Variants in KDM4B observed in about 807,000 individuals in gnomAD.
KDM4B encodes lysine demethylase 4B, also known as lysine-specific demethylase 4B.
A neutral mutation model predicts 125.2 loss-of-function variants in KDM4B; 32 were observed. That is an observed-to-expected ratio of 0.26 (90% CI 0.19 to 0.34). The LOEUF (loss-of-function observed/expected upper bound fraction) is 0.34. Among genes scored for constraint, KDM4B ranks in the 10% least tolerant of loss-of-function variants. The pLI is 1.00. For synonymous variants in KDM4B, 721 were observed against 677.9 expected (o/e 1.06, Z -0.99); for missense variants, 1,190 against 1,577.7 (o/e 0.75, Z 4.16).
At chr19:5,149,457 A>G (rs1318209276) in intron 21 of KDM4B, among the ~76,000 whole-genome samples, 1 of 152,180 alleles carries the variant, frequency 6.6e-6, no homozygotes, top group Non-Finnish European at 1.5e-5. Flanking sequence ...GGCACATGCC[A>G]CCATGCCTGG....
At chr19:5,041,301 G>A (rs766816006) in intron 5 of KDM4B, 50 bp downstream of exon 5, 51 of 1,431,726 alleles carry the variant, frequency 3.6e-5, no homozygotes, top group Admixed American at 6.8e-5. Flanking sequence ...CTGGTGGGTG[G>A]TGGTGGGAGG....
At chr19:5,057,254 G>A (rs1209293903) in intron 6 of KDM4B, among the ~76,000 whole-genome samples, 1 of 152,068 alleles carries the variant, frequency 6.6e-6, no homozygotes, top group South Asian at 2.1e-4. Context: ...CCTGTGGCCC[G>A]GGCAGTGAGG....
chr19:5,055,589 C>T (rs1037806229), intron 6 of KDM4B, among the ~76,000 whole-genome samples: 2 of 151,390 alleles, frequency 1.3e-5, no homozygotes, highest in African/African-American at 2.4e-5. Flanking sequence ...CCGCAGCAGG[C>T]GAGTGTCAGG....
chr19:5,110,295 A>AC (rs914684921), intron 9 of KDM4B, among the ~76,000 whole-genome samples: 4 of 152,038 alleles, frequency 2.6e-5, no homozygotes, highest in African/African-American at 9.7e-5. Context: ...ACATAGCGAG[A>AC]CCCCATCTCT....
rs139809472 is a variant in KDM4B at position 5,138,673 on chromosome 19, TG to T, written c.2550+604del. 2.2e-4 allele frequency among the ~76,000 whole-genome samples: 33 copies of T among 152,034 alleles called. No individual in the cohort carries two copies. The East Asian group carries it at 5.0e-3, about 23-fold the overall frequency. On this transcript the variant is annotated intron_variant, in intron 18 of 22. Transcript: ENST00000159111. ...ACTGTCTCAAAAAAAAACAAACAAT[TG>T]TAACAATGCTTAGCGTGAGATCTGC...
chr19:5,036,198 C>T (rs539928141), intron 3 of KDM4B, among the ~76,000 whole-genome samples: 4 of 151,686 alleles, frequency 2.6e-5, no homozygotes, highest in Admixed American at 6.5e-5. Flanking sequence ...CCTGCCTTGA[C>T]CACTGTGTGT....
At position 5,115,812 on chromosome 19, in the gene KDM4B, T is replaced by C. The variant is rs1208256095; in HGVS notation, c.1116-3841T>C. The stretch of plus-strand genomic sequence containing the variant: ...AGAGAAGAGACAAGCCCACAGTGGA[T>C]TGGGAGGCCCTTGAAGAATCCCCTC... On this transcript the variant is annotated intron_variant, in intron 10 of 22. Coordinates refer to ENST00000159111, the MANE Select transcript of KDM4B (RefSeq NM_015015.3). The surrounding 1 kb of genome is among the most constrained non-coding windows in gnomAD (Gnocchi z 4.2). Among the ~76,000 whole-genome samples the C allele has an allele frequency of 3.3e-5, 5 of 152,048 alleles. No homozygotes were observed. The highest frequency in any genetic ancestry group is 7.4e-5 in the Non-Finnish European group (5 of 68,008).
Position 5,133,974 on chromosome 19 carries a change from C to G in KDM4B, c.1998C>G (p.Ser666Arg). The change falls in exon 14 of 23, where the codon AGC becomes AGG. Residue 666 changes from serine (S) to arginine (R), a missense_variant. Physicochemically the swap from Ser to Arg is moderately radical, Grantham distance 110. Around this residue, in one of 7 missense-constraint regions of KDM4B, gnomAD observed 128 missense variants for 137.8 expected, o/e 0.93. Coordinates refer to ENST00000159111, the MANE Select transcript of KDM4B (RefSeq NM_015015.3). The stretch of plus-strand genomic sequence containing the variant: ...TGCAGTGGAAGAACAGGGCGGCCAG[C>G]TTCCAGGCCGAGAGGAAGTTCAACG... ...LSLQWKNRAA[S>R]FQAERKFNAA... 6.2e-7 allele frequency: 1 copy of G among 1,612,748 alleles called. No individual in the cohort carries two copies.
At chr19:5,070,388 G>A (rs1369763634) in intron 6 of KDM4B, among the ~76,000 whole-genome samples, 1 of 152,200 alleles carries the variant, frequency 6.6e-6, no homozygotes, top group Non-Finnish European at 1.5e-5. Context: ...ACTTCGCTTC[G>A]TGTGTTTGCA....
chr19:5,130,666 C>G (rs1328583679), intron 11 of KDM4B, among the ~76,000 whole-genome samples: 1 of 152,264 alleles, frequency 6.6e-6, no homozygotes, highest in Non-Finnish European at 1.5e-5. Flanking sequence ...AAGTGCTTCT[C>G]CCCCACCTCC....
At chr19:5,100,027 T>C (rs2038900533) in intron 9 of KDM4B, among the ~76,000 whole-genome samples, 1 of 152,272 alleles carries the variant, frequency 6.6e-6, no homozygotes, top group African/African-American at 2.4e-5. Flanking sequence ...CTTCGAAGGC[T>C]GCACCCATCC....
intron 9 of KDM4B, among the ~76,000 whole-genome samples, chr19:5,098,527 C>T (rs553111135): frequency 6.6e-6 from 1 of 152,226 alleles, no homozygotes; most frequent in Non-Finnish European, 1.5e-5. Context: ...CTTGTGTTAC[C>T]TCATTTAAAA....
intron 6 of KDM4B, among the ~76,000 whole-genome samples, chr19:5,059,465 C>A (rs901134715): frequency 6.6e-6 from 1 of 152,224 alleles, no homozygotes; most frequent in African/African-American, 2.4e-5. Context: ...CGTGTGTGAG[C>A]CAAACCCTCC....
intron 6 of KDM4B, among the ~76,000 whole-genome samples, chr19:5,070,332 C>T (rs1444822061): frequency 6.6e-6 from 1 of 152,228 alleles, no homozygotes; most frequent in African/African-American, 2.4e-5. Flanking sequence ...GTCCCAACAT[C>T]GCAGGTCTCC....
chr19:4,977,117 C>G (rs557690606), intron 1 of KDM4B, among the ~76,000 whole-genome samples: 2 of 151,516 alleles, frequency 1.3e-5, no homozygotes, highest in African/African-American at 4.8e-5. Context: ...TCTTTTCTTT[C>G]TTTATCCACC....
intron 9 of KDM4B, among the ~76,000 whole-genome samples, chr19:5,105,681 C>T (rs750413491): frequency 2.8e-4 from 43 of 152,236 alleles, no homozygotes; most frequent in Non-Finnish European, 5.4e-4. Context: ...AAGCGATCCT[C>T]CTGCCTCAGC....
At position 5,018,555 on chromosome 19, in the gene KDM4B, A is replaced by G. The variant is rs74343112; in HGVS notation, c.-26+2216A>G. Reference sequence around the variant, plus strand: ...CCAGATAGGCTGCCTTCACTTTGTAAAAGTTAACTTTTACTGAGAGGAAAT... The same window carrying G: ...CCAGATAGGCTGCCTTCACTTTGTAGAAGTTAACTTTTACTGAGAGGAAAT... On this transcript the variant is annotated intron_variant, in intron 2 of 22. Coordinates refer to ENST00000159111, the MANE Select transcript of KDM4B (RefSeq NM_015015.3). Among the ~76,000 whole-genome samples the G allele has an allele frequency of 1.4e-4, 22 of 152,156 alleles. 1 individual carries two copies. Among genetic ancestry groups the G allele is most frequent in the Admixed American group, 1.4e-3 (22 of 15,264 alleles).
chr19:4,971,648 G>GTAGTGGGGGAAAGGGTGAGC lies in KDM4B; in HGVS notation c.-109+2420_-109+2439dup, dbSNP rs2034262456. On this transcript the variant is annotated intron_variant, in intron 1 of 22. Transcript: ENST00000159111. This position sits in a 1 kb window ranked among gnomAD's most constrained non-coding sequence, Gnocchi z 4.1. The stretch of plus-strand genomic sequence containing the variant: ...TCCCTGGCTCCTGTGGGTTTAGAGT[G>GTAGTGGGGGAAAGGGTGAGC]TAGTGGGGGAAAGGGTGAGCTGGCT... Among the ~76,000 whole-genome samples, 1 of 152,186 alleles carries GTAGTGGGGGAAAGGGTGAGC rather than the reference G, an allele frequency of 6.6e-6. No individual in the cohort carries two copies. Among genetic ancestry groups the GTAGTGGGGGAAAGGGTGAGC allele is most frequent in the Non-Finnish European group, 1.5e-5 (1 of 68,040 alleles).
intron 21 of KDM4B, 96 bp from the exon 22 acceptor site, chr19:5,150,262 A>G (rs2039923265): frequency 9.8e-7 from 1 of 1,017,642 alleles, no homozygotes; most frequent in Middle Eastern, 2.6e-4. Flanking sequence ...CCATGCACCC[A>G]AGGGGGCTGG....
Sources: gnomAD v4.1 joint callset for allele counts (sites outside exome capture counted in the v4.1 genomes callset) on GRCh38, gnomAD v4.1.1 for gene constraint, gnomAD v4.1.1 regional missense constraint, Gnocchi (gnomAD v3.1) non-coding constraint, MANE v1.5 for transcripts, NCBI Gene and HGNC (gene_info 2026-07-23, HGNC 2026-07-21) for gene names.